COL5A2: variants seen among roughly 807,000 people sequenced by gnomAD.
COL5A2 encodes the protein collagen type V alpha 2 chain.
In COL5A2, 23 loss-of-function variants were observed where a neutral mutation model predicts 208.2. The observed-to-expected ratio is 0.11, with a 90% CI of 0.08 to 0.16. COL5A2 has a LOEUF of 0.16. COL5A2 is among the 10% of genes least tolerant of loss of function. The pLI is 1.00. For missense variants in COL5A2, 1,590 were observed against 1,956.4 expected (o/e 0.81, Z 3.53); for synonymous variants, 625 against 628.5 (o/e 0.99, Z 0.08).
At chr2:189,205,511 G>A (rs1253900474) in intron 1 of COL5A2, among the ~76,000 whole-genome samples, 1 of 152,206 alleles carries the variant, frequency 6.6e-6, no homozygotes, top group Non-Finnish European at 1.5e-5. Context: ...GAATGCTGAT[G>A]TTCAGAAACA....
At chr2:189,163,678 G>A (rs1173618688) in intron 1 of COL5A2, among the ~76,000 whole-genome samples, 4 of 152,150 alleles carry the variant, frequency 2.6e-5, no homozygotes, top group East Asian at 1.9e-4. Context: ...GTGATGCTTC[G>A]AGTTACCAAA....
chr2:189,221,511 T>C (rs924495375), intron 1 of COL5A2, among the ~76,000 whole-genome samples: 14 of 152,052 alleles, frequency 9.2e-5, no homozygotes, highest in African/African-American at 1.9e-4. Flanking sequence ...GATGTTAGAA[T>C]GAAAGGCTAA....
chr2:189,098,187 A>G (rs1477555605), intron 5 of COL5A2, among the ~76,000 whole-genome samples: 2 of 152,234 alleles, frequency 1.3e-5, no homozygotes, highest in Non-Finnish European at 2.9e-5. Context: ...GAGTGAGTCC[A>G]TTAAAGCTAA....
chr2:189,228,868 C>A (rs1031325803), upstream of COL5A2, among the ~76,000 whole-genome samples: 6 of 151,750 alleles, frequency 4.0e-5, no homozygotes, highest in Non-Finnish European at 8.8e-5. Context: ...GAAAATAAAA[C>A]TGTAAGTTAA....
the COL5A2 span, among the ~76,000 whole-genome samples, chr2:189,304,477 T>C: frequency 6.6e-6 from 1 of 152,188 alleles, no homozygotes; most frequent in Non-Finnish European, 1.5e-5. Context: ...CCGCATTTGC[T>C]CCTGGGTGAC....
At chr2:189,299,240 T>G in the COL5A2 span, among the ~76,000 whole-genome samples, 1 of 152,190 alleles carries the variant, frequency 6.6e-6, no homozygotes, top group African/African-American at 2.4e-5. Flanking sequence ...GGTTTCAATA[T>G]GCATATTCAG....
chr2:189,040,335 C>CTTTTT lies in COL5A2; in HGVS notation c.3634-777_3634-773dup, dbSNP rs34847104. Among the ~76,000 whole-genome samples, 19 of 138,268 alleles carry CTTTTT rather than the reference C, an allele frequency of 1.4e-4. 2 individuals are homozygous for CTTTTT. Among genetic ancestry groups the CTTTTT allele is most frequent in the Non-Finnish European group, 1.7e-4 (11 of 64,994 alleles). 90.7% of individuals were successfully genotyped at this position (138,268 alleles called of 152,430 possible). A position where few individuals can be genotyped will look rare whatever the true frequency, so the allele number is the denominator to read the frequency against. The stretch of plus-strand genomic sequence containing the variant: ...TGACATAAATAAAGAGCCCTCCTGC[C>CTTTTT]TTTTTTTTTTTTTTTTGCCAAATAA... On this transcript the variant is annotated intron_variant, in intron 50 of 53. Coordinates refer to ENST00000374866, the MANE Select transcript of COL5A2 (RefSeq NM_000393.5).
chr2:189,284,927 C>G, the COL5A2 span, among the ~76,000 whole-genome samples: 1 of 152,088 alleles, frequency 6.6e-6, no homozygotes, highest in Non-Finnish European at 1.5e-5. Flanking sequence ...GCTTGGATAA[C>G]AAGTACTTTG....
chr2:189,150,338 C>G (rs17198780), intron 1 of COL5A2, among the ~76,000 whole-genome samples: 27,178 of 152,094 alleles, frequency 0.18, 2,844 homozygotes, highest in Non-Finnish European at 0.23. Context: ...GCAAACAGAG[C>G]TCCTGCTAAT....
At chr2:189,178,756 G>A (rs1310905295) in intron 1 of COL5A2, among the ~76,000 whole-genome samples, 2 of 145,720 alleles carry the variant, frequency 1.4e-5, no homozygotes, top group African/African-American at 5.1e-5. Flanking sequence ...TAATGTCCAT[G>A]CAAATATTCC....
the COL5A2 span, among the ~76,000 whole-genome samples, chr2:189,400,721 G>T: frequency 2.0e-5 from 3 of 152,124 alleles, no homozygotes; most frequent in Admixed American, 6.6e-5. Context: ...CTGACAAAAT[G>T]CATATCTCAC....
Position 189,064,032 on chromosome 2 carries a change from C to A in COL5A2, c.1718G>T (p.Gly573Val). ...PGEPGLPGAR[G>V]LTGNPGVQGP... Reference sequence around the variant, plus strand: ...TTGAACACCAGGATTTCCTGTCAAACCCTGAAAATAAAAAACCAACTGTCA... The same window carrying A: ...TTGAACACCAGGATTTCCTGTCAAAACCTGAAAATAAAAAACCAACTGTCA... The change falls in exon 26 of 54, where the codon GGT becomes GTT. Residue 573 changes from glycine to valine, a missense_variant and splice_region_variant. Transcript: ENST00000374866. 6.2e-7 allele frequency: 1 copy of A among 1,613,044 alleles called. No individual in the cohort carries two copies. The highest frequency in any genetic ancestry group is 8.5e-7 in the Non-Finnish European group (1 of 1,179,534).
At chr2:189,410,466 G>A in the COL5A2 span, among the ~76,000 whole-genome samples, 4 of 151,880 alleles carry the variant, frequency 2.6e-5, no homozygotes, top group Admixed American at 6.6e-5. Flanking sequence ...CTGGGAAGTC[G>A]GAGGCAGGAG....
intron 1 of COL5A2, among the ~76,000 whole-genome samples, chr2:189,177,028 C>T (rs1352692994): frequency 3.3e-5 from 5 of 152,158 alleles, no homozygotes; most frequent in Non-Finnish European, 7.4e-5. Flanking sequence ...CAGGCATACT[C>T]AGATTACATT....
chr2:189,138,182 G>T (rs1687862267), intron 1 of COL5A2, among the ~76,000 whole-genome samples: 1 of 152,068 alleles, frequency 6.6e-6, no homozygotes, highest in Non-Finnish European at 1.5e-5. Flanking sequence ...CACCATGTTG[G>T]CCAGGCTGAT....
intron 1 of COL5A2, among the ~76,000 whole-genome samples, chr2:189,199,490 G>A (rs1689045154): frequency 6.6e-6 from 1 of 151,826 alleles, no homozygotes; most frequent in South Asian, 2.1e-4. Context: ...TAGGCACAAG[G>A]GCAAAAAAAG....
At chr2:189,052,639 T>C in intron 40 of COL5A2, 110 bp downstream of exon 40, 1 of 1,048,290 alleles carries the variant, frequency 9.5e-7, no homozygotes, top group Non-Finnish European at 1.5e-6. Flanking sequence ...TTGATACAGG[T>C]AATAATTTGT....
chr2:189,335,115 A>C, the COL5A2 span, among the ~76,000 whole-genome samples: 1 of 152,084 alleles, frequency 6.6e-6, no homozygotes, highest in African/African-American at 2.4e-5. Context: ...AGAATCATAA[A>C]GCTTCTAGAA....
chr2:189,088,153 G>T (rs73978846), intron 8 of COL5A2, among the ~76,000 whole-genome samples: 78 of 152,204 alleles, frequency 5.1e-4, no homozygotes, highest in African/African-American at 1.9e-3. Context: ...AAATTGGATT[G>T]CTCCAAATAT....
Sources: gnomAD v4.1 joint callset for allele counts (sites outside exome capture counted in the v4.1 genomes callset) on GRCh38, gnomAD v4.1.1 for gene constraint, MANE v1.5 for transcripts, NCBI Gene and HGNC (gene_info 2026-07-23, HGNC 2026-07-21) for gene names.